NRG1: variants seen among roughly 807,000 people sequenced by gnomAD.
NRG1 encodes the protein pro-neuregulin-1, membrane-bound isoform.
A neutral mutation model predicts 63.8 loss-of-function variants in NRG1; 18 were observed. The observed-to-expected ratio is 0.28, with a 90% CI of 0.19 to 0.42. The LOEUF (loss-of-function observed/expected upper bound fraction) is 0.42. Among genes scored for constraint, NRG1 ranks in the 10% least tolerant of loss-of-function variants. The pLI is 1.00. For synonymous variants in NRG1, 302 were observed against 301.3 expected (o/e 1.00, Z -0.02); for missense variants, 762 against 814.7 (o/e 0.94, Z 0.79).
chr8:32,037,997 T>C (rs1028031049), intron 1 of NRG1, among the ~76,000 whole-genome samples: 1 of 152,218 alleles, frequency 6.6e-6, no homozygotes, highest in Non-Finnish European at 1.5e-5. Flanking sequence ...ACGGATCTCC[T>C]GCCTCCTTAG....
chr8:31,885,518 A>G (rs776927409), intron 1 of NRG1, among the ~76,000 whole-genome samples: 6 of 152,128 alleles, frequency 3.9e-5, no homozygotes, highest in Non-Finnish European at 8.8e-5. Flanking sequence ...TTATTTCCCT[A>G]TCCAAACAAA....
intron 1 of NRG1, among the ~76,000 whole-genome samples, chr8:31,930,781 T>A (rs1464486158): frequency 6.6e-6 from 1 of 152,204 alleles, no homozygotes. Flanking sequence ...CTGACTTTTT[T>A]AGGGCAACTT....
chr8:31,823,896 A>C (rs1230409480), intron 1 of NRG1, among the ~76,000 whole-genome samples: 1 of 152,200 alleles, frequency 6.6e-6, no homozygotes, highest in Non-Finnish European at 1.5e-5. Flanking sequence ...AACCTAGAAG[A>C]GGCAAAGCTT....
Position 31,640,405 on chromosome 8 carries a change from C to A in NRG1, c.37+974C>A. On this transcript the variant is annotated intron_variant, in intron 1 of 10. Coordinates refer to the NRG1 transcript ENST00000519301. The surrounding 1 kb of genome is among the most constrained non-coding windows in gnomAD (Gnocchi z 6.3). ...GCTGCTCGCCGCCAACGGGACCGTG[C>A]CCTCTTGGCCCACCGCCCCGGTGCC... The A allele has an allele frequency of 6.9e-7, 1 of 1,459,308 alleles. No individual in the cohort carries two copies. The highest frequency in any genetic ancestry group is 9.1e-7 in the Non-Finnish European group (1 of 1,103,820). 90.4% of individuals were successfully genotyped at this position (1,459,308 alleles called of 1,614,324 possible).
intron 7 of NRG1, chr8:32,749,660 C>A: frequency 7.0e-7 from 1 of 1,422,682 alleles, no homozygotes; most frequent in South Asian, 1.2e-5. Flanking sequence ...CCTTCCTACT[C>A]TTACCTTTCA....
chr8:32,672,661 T>A (rs1805993047), intron 5 of NRG1, among the ~76,000 whole-genome samples: 1 of 152,232 alleles, frequency 6.6e-6, no homozygotes. Flanking sequence ...CTTTCTTTAA[T>A]TAGAAAATGT....
chr8:32,519,637 T>A (rs906902138), intron 1 of NRG1, among the ~76,000 whole-genome samples: 1 of 152,206 alleles, frequency 6.6e-6, no homozygotes, highest in Non-Finnish European at 1.5e-5. Flanking sequence ...TTTTATTTAC[T>A]AAATTCTAAA....
intron 1 of NRG1, among the ~76,000 whole-genome samples, chr8:32,433,586 T>A (rs1011352811): frequency 6.6e-6 from 1 of 152,144 alleles, no homozygotes; most frequent in African/African-American, 2.4e-5. Flanking sequence ...TATAGATTAA[T>A]AATGGACCAA....
chr8:31,917,171 C>T (rs4263721), intron 1 of NRG1, among the ~76,000 whole-genome samples: 12,115 of 47,332 alleles, frequency 0.26, 2,300 homozygotes, highest in East Asian at 0.61. Flanking sequence ...TTCACTCTGA[C>T]GGTAGTTTCT....
In NRG1 at chr8:31,714,331, A is replaced by AT. The variant is rs532153490; in HGVS notation, c.37+74908dup. Among the ~76,000 whole-genome samples, 390 of 150,838 alleles carry AT rather than the reference A, an allele frequency of 2.6e-3. 3 individuals carry two copies. The highest frequency in any genetic ancestry group is 8.4e-3 in the African/African-American group (342 of 40,558). On this transcript the variant is annotated intron_variant, in intron 1 of 10. Coordinates refer to the NRG1 transcript ENST00000519301. ...GGATAATTTTATTTATTTTATTAAG[A>AT]TTTTTTTTGTATTGGTGGTCATGTA...
At chr8:32,371,760 C>T (rs1205931483) in intron 1 of NRG1, among the ~76,000 whole-genome samples, 1 of 152,092 alleles carries the variant, frequency 6.6e-6, no homozygotes, top group Non-Finnish European at 1.5e-5. Flanking sequence ...AGGATAAAAT[C>T]CTCAAACTAA....
chr8:32,400,493 CA>C (rs1813034529), intron 1 of NRG1, among the ~76,000 whole-genome samples: 1 of 152,160 alleles, frequency 6.6e-6, no homozygotes, highest in African/African-American at 2.4e-5. Context: ...ACGACACGAA[CA>C]GACACTTTTC....
intron 1 of NRG1, among the ~76,000 whole-genome samples, chr8:32,194,044 G>T (rs1233902860): frequency 6.6e-6 from 1 of 152,216 alleles, no homozygotes; most frequent in Non-Finnish European, 1.5e-5. Flanking sequence ...TGTTATGACA[G>T]CCCTTGGAAT....
intron 5 of NRG1, among the ~76,000 whole-genome samples, chr8:32,709,137 T>G (rs774274038): frequency 6.6e-6 from 1 of 152,204 alleles, no homozygotes; most frequent in African/African-American, 2.4e-5. Flanking sequence ...TTCTTGACAT[T>G]TCTACTCAAC....
intron 1 of NRG1, among the ~76,000 whole-genome samples, chr8:32,387,025 C>G (rs1811106930): frequency 6.6e-6 from 1 of 152,134 alleles, no homozygotes; most frequent in African/African-American, 2.4e-5. Flanking sequence ...ATGGCCTGAA[C>G]AGTTGTGTGC....
intron 1 of NRG1, among the ~76,000 whole-genome samples, chr8:32,387,036 T>C (rs17712955): frequency 0.34 from 51,934 of 152,056 alleles, 9,347 homozygotes; most frequent in Middle Eastern, 0.43. Flanking sequence ...AGTTGTGTGC[T>C]CTATCAGGAG....
chr8:32,141,183 G>A (rs1836202263), intron 1 of NRG1, among the ~76,000 whole-genome samples: 1 of 152,022 alleles, frequency 6.6e-6, no homozygotes, highest in South Asian at 2.1e-4. Context: ...ATGAATAAAA[G>A]AGGGATTTGA....
intron 1 of NRG1, among the ~76,000 whole-genome samples, chr8:32,428,888 C>T (rs1248585172): frequency 6.6e-6 from 1 of 152,006 alleles, no homozygotes; most frequent in African/African-American, 2.4e-5. Context: ...TCTCTCATAC[C>T]AGGTAGGTTT....
intron 1 of NRG1, among the ~76,000 whole-genome samples, chr8:31,813,359 C>G (rs2131797781): frequency 6.6e-6 from 1 of 152,050 alleles, no homozygotes; most frequent in African/African-American, 2.4e-5. Context: ...AATCATTTTC[C>G]AGAAAATTGG....
Sources: gnomAD v4.1 joint callset for allele counts (sites outside exome capture counted in the v4.1 genomes callset) on GRCh38, gnomAD v4.1.1 for gene constraint, Gnocchi (gnomAD v3.1) non-coding constraint, MANE v1.5 for transcripts, NCBI Gene and HGNC (gene_info 2026-07-23, HGNC 2026-07-21) for gene names.